Variants in FHAD1 observed in about 807,000 individuals in gnomAD.
The protein encoded by FHAD1 is forkhead associated phosphopeptide binding domain 1.
In FHAD1, 146 loss-of-function variants were observed where a neutral mutation model predicts 191.3. That is an observed-to-expected ratio of 0.76 (90% CI 0.67 to 0.88). The LOEUF (loss-of-function observed/expected upper bound fraction) is 0.88, where lower values mean the gene tolerates loss of function less well. FHAD1 is among the 40% of genes least tolerant of loss of function. The pLI is 0.00. For synonymous variants in FHAD1, 616 were observed against 672.3 expected, an observed-to-expected ratio of 0.92 and a Z score of 1.29; for missense variants, 1,635 against 1,785.8, an observed-to-expected ratio of 0.92 and a Z score of 1.52.
At chr1:15,351,628 T>C (rs1356263110) in intron 19 of FHAD1, among the ~76,000 whole-genome samples, 4 of 152,204 alleles carry the variant, frequency 2.6e-5, no homozygotes, top group Admixed American at 2.6e-4. Context: ...CACAGGGTCA[T>C]TGTGAGTATT....
intron 3 of FHAD1, among the ~76,000 whole-genome samples, chr1:15,278,268 C>A (rs1659191348): frequency 6.6e-6 from 1 of 152,098 alleles, no homozygotes; most frequent in South Asian, 2.1e-4. Context: ...AGTTTACCAA[C>A]CTCCACTCAT....
chr1:15,340,311 C>T (rs1224513744), intron 15 of FHAD1, among the ~76,000 whole-genome samples: 1 of 152,232 alleles, frequency 6.6e-6, no homozygotes, highest in East Asian at 1.9e-4. Flanking sequence ...CACAAAACTT[C>T]AGCGGCATTC....
intron 1 of FHAD1, among the ~76,000 whole-genome samples, chr1:15,237,501 C>A (rs1458438066): frequency 1.3e-5 from 2 of 152,152 alleles, no homozygotes; most frequent in Admixed American, 6.5e-5. Flanking sequence ...ACAAGCTCCA[C>A]CCCACGTGGA....
intron 2 of FHAD1, among the ~76,000 whole-genome samples, chr1:15,256,307 T>C (rs1648027480): frequency 6.6e-6 from 1 of 152,148 alleles, no homozygotes; most frequent in African/African-American, 2.4e-5. Flanking sequence ...GTCAGGAATC[T>C]GTCCATTTCT....
chr1:15,399,113 C>T (rs185959414), downstream of FHAD1, among the ~76,000 whole-genome samples: 482 of 152,216 alleles, frequency 3.2e-3, 3 homozygotes, highest in Non-Finnish European at 4.1e-3. Context: ...TGAGCTACCG[C>T]GGCCAGCCTA....
chr1:15,348,328 G>A (rs985123835), intron 18 of FHAD1, among the ~76,000 whole-genome samples: 1 of 152,220 alleles, frequency 6.6e-6, no homozygotes, highest in Non-Finnish European at 1.5e-5. Flanking sequence ...CCTCGTGTTT[G>A]AAAGACAAGC....
intron 2 of FHAD1, among the ~76,000 whole-genome samples, chr1:15,257,455 G>A (rs775540744): frequency 2.6e-5 from 4 of 152,228 alleles, no homozygotes; most frequent in Non-Finnish European, 4.4e-5. Flanking sequence ...GTCCTGTGAC[G>A]AAATCCACCA....
intron 15 of FHAD1, among the ~76,000 whole-genome samples, 194 bp downstream of exon 15, chr1:15,339,745 G>A (rs1685752794): frequency 1.3e-5 from 2 of 152,192 alleles, no homozygotes; most frequent in Admixed American, 1.3e-4. Flanking sequence ...AGGAGGGTAA[G>A]GACAATGACA....
chr1:15,293,258 C>T (rs1194815486), intron 4 of FHAD1, among the ~76,000 whole-genome samples: 1 of 152,232 alleles, frequency 6.6e-6, no homozygotes, highest in Admixed American at 6.5e-5. Flanking sequence ...GTTCCCAACC[C>T]TTGCCCCCAG....
intron 6 of FHAD1, among the ~76,000 whole-genome samples, chr1:15,306,942 G>A (rs977649083): frequency 2.6e-5 from 4 of 152,124 alleles, no homozygotes; most frequent in South Asian, 2.1e-4. Flanking sequence ...GAGGGCCCCC[G>A]TCCTCCAGAC....
intron 14 of FHAD1, among the ~76,000 whole-genome samples, chr1:15,336,121 G>A (rs909114527): frequency 6.6e-6 from 1 of 152,138 alleles, no homozygotes; most frequent in African/African-American, 2.4e-5. Context: ...CAAACCCTTT[G>A]AAAAGAGATT....
rs1700702694 is a variant in FHAD1, at chr1:15,380,694, AT to A, written c.3706-4del. ...AAGAGAGGCCTTTCATTTCTTTCTG[AT>A]TTCAGCCTCAGAATGGCCTTTGCAA... On this transcript the variant is annotated splice_region_variant and splice_polypyrimidine_tract_variant and intron_variant, in intron 28 of 33. Coordinates refer to ENST00000688493, the MANE Select transcript of FHAD1 (RefSeq NM_001391957.1). 1.3e-6 allele frequency: 2 copies of A among 1,550,824 alleles called. No homozygotes were observed. The highest frequency in any genetic ancestry group is 1.7e-6 in the Non-Finnish European group (2 of 1,146,348).
intron 32 of FHAD1, among the ~76,000 whole-genome samples, chr1:15,389,352 G>C (rs1244642999): frequency 6.7e-6 from 1 of 150,062 alleles, no homozygotes; most frequent in Non-Finnish European, 1.5e-5. Context: ...AGGCTGAGGT[G>C]GGACAATCTC....
intron 18 of FHAD1, among the ~76,000 whole-genome samples, chr1:15,347,448 A>G (rs1300907180): frequency 6.6e-6 from 1 of 152,202 alleles, no homozygotes; most frequent in Non-Finnish European, 1.5e-5. Flanking sequence ...CACAGGCTCC[A>G]TTCAACTGCC....
Position 15,296,744 on chromosome 1 carries a change from T to A in FHAD1, c.629T>A (p.Val210Asp). The A allele has an allele frequency of 6.4e-7, 1 of 1,551,854 alleles. No homozygotes were observed. Among genetic ancestry groups the A allele is most frequent in the Non-Finnish European group, 8.7e-7 (1 of 1,147,022 alleles). Residue 210 changes from valine to aspartate, a missense_variant, in exon 5 of 34, where the codon GTT (valine) becomes GAT (aspartate). Physicochemically the swap from Val to Asp is radical, Grantham distance 152. Transcript: ENST00000688493. ...KSVAEGIPGA[V>D]PPAEIYVEED... ...GTGGCCGAGGGGATTCCTGGGGCAG[T>A]TCCCCCTGCGGAGATTTATGTGGAG...
intron 2 of FHAD1, among the ~76,000 whole-genome samples, chr1:15,264,719 A>T (rs1353743769): frequency 6.6e-6 from 1 of 152,152 alleles, no homozygotes; most frequent in Non-Finnish European, 1.5e-5. Flanking sequence ...TTCAAATAGA[A>T]GTGGTGAGGG....
At position 15,397,982 on chromosome 1, in the gene FHAD1, T is replaced by C. The variant is rs540095430; in HGVS notation, c.*569T>C. 2 of 152,150 alleles carry C rather than the reference T, an allele frequency of 1.3e-5. No individual in the cohort carries two copies. Among genetic ancestry groups the C allele is most frequent in the South Asian group, 4.1e-4 (2 of 4,820 alleles). 9.4% of individuals were successfully genotyped at this position (152,150 alleles called of 1,614,324 possible). On this transcript the variant is annotated 3_prime_UTR_variant, in exon 34 of 34. Transcript: ENST00000688493. ...CCTGTCTCTACTAAAAATACAAAAA[T>C]TAGCCAGGTGTGGTGGCACATGCCT...
intron 2 of FHAD1, among the ~76,000 whole-genome samples, chr1:15,267,465 A>G (rs1654021140): frequency 6.6e-6 from 1 of 152,152 alleles, no homozygotes; most frequent in African/African-American, 2.4e-5. Context: ...TATTGGCCTC[A>G]CAGAATAAGT....
rs1672809888 is a variant in FHAD1 at position 15,313,189 on chromosome 1, T to C, written c.1170+2T>C. 6.4e-7 allele frequency: 1 copy of C among 1,551,344 alleles called. No individual in the cohort carries two copies. Among genetic ancestry groups the C allele is most frequent in the African/African-American group, 1.4e-5 (1 of 72,930 alleles). On this transcript the variant is annotated splice_donor_variant, in intron 8 of 33. Coordinates refer to ENST00000688493, the MANE Select transcript of FHAD1 (RefSeq NM_001391957.1). LOFTEE classifies it high-confidence loss of function. ...CAGCTGGAAGCCCTTGGCTCTAGAG[T>C]GAGTAAGGATGACTGCGTCACCTTG... is the stretch of plus-strand genomic sequence containing the variant.
Sources: allele counts gnomAD v4.1 joint callset (sites outside exome capture counted in the v4.1 genomes callset), GRCh38; gene constraint gnomAD v4.1.1; transcripts MANE v1.5; gene names NCBI Gene and HGNC (gene_info 2026-07-23, HGNC 2026-07-21).